The following COL21A1 variants were observed in gnomAD, a reference collection of about 807,000 sequenced individuals.
COL21A1 encodes the protein collagen alpha-1(XXI) chain.
Under a neutral mutation model 137.9 loss-of-function variants are expected in COL21A1, and 149 were observed. The ratio of observed to expected loss-of-function variants is 1.08; its 90% CI spans 0.95 to 1.24. The LOEUF (loss-of-function observed/expected upper bound fraction) is 1.24. COL21A1 is among the 50% of genes most tolerant of loss of function. The probability of loss-of-function intolerance (pLI) is 0.00; values close to 1 mark genes in which losing one functional copy is unlikely to be tolerated. For synonymous variants in COL21A1, 456 were observed against 391.5 expected (o/e 1.16, Z -1.95); for missense variants, 1,167 against 1,158.4 (o/e 1.01, Z -0.11).
intron 1 of COL21A1, among the ~76,000 whole-genome samples, chr6:56,295,200 G>A (rs936707542): frequency 6.6e-6 from 1 of 151,852 alleles, no homozygotes; most frequent in African/African-American, 2.4e-5. Context: ...TTGTTGAAAA[G>A]ATTGGGTTTT....
At chr6:56,297,066 G>C (rs1764178967) in intron 1 of COL21A1, among the ~76,000 whole-genome samples, 1 of 151,912 alleles carries the variant, frequency 6.6e-6, no homozygotes, top group Non-Finnish European at 1.5e-5. Context: ...ATAGTCTTCT[G>C]CTTTATTAAA....
chr6:56,195,464 A>G (rs923255803), intron 1 of COL21A1, among the ~76,000 whole-genome samples: 1 of 151,944 alleles, frequency 6.6e-6, no homozygotes, highest in African/African-American at 2.4e-5. Flanking sequence ...AGAGGGGCAG[A>G]ATTGTGAGTA....
intron 1 of COL21A1, among the ~76,000 whole-genome samples, chr6:56,195,293 G>A (rs1396409013): frequency 6.6e-6 from 1 of 152,126 alleles, no homozygotes; most frequent in South Asian, 2.1e-4. Flanking sequence ...ACCATACTTT[G>A]TGTATTTAGG....
intron 1 of COL21A1, among the ~76,000 whole-genome samples, chr6:56,199,710 T>C (rs1455833059): frequency 6.6e-6 from 1 of 152,176 alleles, no homozygotes; most frequent in Non-Finnish European, 1.5e-5. Context: ...GTCATATGGT[T>C]TGCCTCCTGC....
intron 1 of COL21A1, among the ~76,000 whole-genome samples, chr6:56,391,359 A>C (rs1455959208): frequency 6.6e-6 from 1 of 152,144 alleles, no homozygotes; most frequent in Non-Finnish European, 1.5e-5. Context: ...GAAAAACTTC[A>C]AACAAATAAC....
intron 17 of COL21A1, among the ~76,000 whole-genome samples, chr6:56,087,047 C>A (rs542235575): frequency 9.3e-5 from 14 of 150,322 alleles, no homozygotes; most frequent in Admixed American, 2.7e-4. Context: ...ATCTTGGGAC[C>A]CTTGTCCCTT....
intron 29 of COL21A1, 90 bp downstream of exon 29, chr6:56,059,075 C>T (rs901462905): frequency 1.1e-6 from 1 of 947,778 alleles, no homozygotes; most frequent in Non-Finnish European, 1.7e-6. Context: ...AAACAGATGT[C>T]TCAGTTTCAA....
intron 1 of COL21A1, among the ~76,000 whole-genome samples, chr6:56,214,095 A>G (rs2152308117): frequency 6.6e-6 from 1 of 152,256 alleles, no homozygotes; most frequent in East Asian, 1.9e-4. Flanking sequence ...TATTTGTATA[A>G]TTGGAAACCT....
chr6:56,058,741 A>G (rs906930080), intron 29 of COL21A1, among the ~76,000 whole-genome samples: 2 of 152,210 alleles, frequency 1.3e-5, no homozygotes, highest in Non-Finnish European at 1.5e-5. Flanking sequence ...CAATAACGTC[A>G]TGATGGAGAT....
rs566026269 is a variant in COL21A1 at position 56,080,902 on chromosome 6, A to G, written c.1813-3329T>C. Among the ~76,000 whole-genome samples, 25 of 151,972 alleles carry G rather than the reference A, an allele frequency of 1.6e-4. No individual in the cohort carries two copies. In the South Asian group the frequency reaches 4.8e-3, roughly 29 times the overall value. ...TCCAATCTGATTATCAGTAAAGAGC[A>G]TAGTAGAAGCCATAGGAAGCAGCTA... On this transcript the variant is annotated intron_variant, in intron 17 of 29. Transcript: ENST00000244728.
chr6:56,145,484 G>T (rs2152242140), intron 10 of COL21A1, among the ~76,000 whole-genome samples: 1 of 152,046 alleles, frequency 6.6e-6, no homozygotes, highest in Middle Eastern at 3.4e-3. Flanking sequence ...ACAAATTTTG[G>T]ACTAAAAACC....
In COL21A1 at chr6:56,166,933, C is replaced by T. The variant is rs191663811; in HGVS notation, c.1251G>A (p.Arg417=). Residue 417 remains arginine, a synonymous_variant, in exon 7 of 30, where the codon CGG becomes CGA. Transcript: ENST00000244728. ...ATCCAGGAATCTCACATGCTGTCTC[C>T]CGGTTGTTCTGTTCTGGGTCACAGT... ...RIYCDPEQNN[R]ETACEIPGFN... is the part of the protein sequence containing the mutation. The T allele has an allele frequency of 1.8e-5, 29 of 1,612,714 alleles. No individual in the cohort carries two copies. The Admixed American group carries it at 4.2e-4, about 23-fold the overall frequency.
chr6:56,141,054 G>A (rs1774370286), intron 12 of COL21A1, among the ~76,000 whole-genome samples: 2 of 152,070 alleles, frequency 1.3e-5, no homozygotes, highest in African/African-American at 4.8e-5. Context: ...ATTTTAAGAT[G>A]TACAAATGAA....
rs1177053295 is a variant in COL21A1, at chr6:56,340,986, C to T, written c.-39+52985G>A. 3.3e-5 allele frequency among the ~76,000 whole-genome samples: 5 copies of T among 152,252 alleles called. No homozygotes were observed. In the South Asian group the frequency reaches 1.0e-3, roughly 32 times the overall value. Reference sequence around the variant, plus strand: ...TGCCTACAGTACTAGGGGCTCTAGGCACTTTCATGGGTGTGTGAAACATAC... The same window carrying T: ...TGCCTACAGTACTAGGGGCTCTAGGTACTTTCATGGGTGTGTGAAACATAC... On this transcript the variant is annotated intron_variant, in intron 1 of 28. Transcript: ENST00000370819.
intron 1 of COL21A1, among the ~76,000 whole-genome samples, chr6:56,360,823 G>A (rs537838459): frequency 6.6e-6 from 1 of 152,252 alleles, no homozygotes; most frequent in East Asian, 1.9e-4. Context: ...AAATAGGCTG[G>A]GCGCAGTGGC....
chr6:56,314,274 C>T (rs7749256), intron 1 of COL21A1, among the ~76,000 whole-genome samples: 38,281 of 151,998 alleles, frequency 0.25, 5,700 homozygotes, highest in African/African-American at 0.42. Context: ...TGAGCCACCG[C>T]ACCTGGCCAG....
chr6:56,280,866 C>T (rs534938714), intron 1 of COL21A1, among the ~76,000 whole-genome samples: 24 of 152,098 alleles, frequency 1.6e-4, no homozygotes, highest in African/African-American at 5.8e-4. Flanking sequence ...AACACACACA[C>T]GCAAAATAGC....
chr6:56,318,381 T>C (rs1374399395), intron 1 of COL21A1, among the ~76,000 whole-genome samples: 1 of 152,068 alleles, frequency 6.6e-6, no homozygotes, highest in Non-Finnish European at 1.5e-5. Flanking sequence ...TACCTAGAAG[T>C]CCAATTGGAC....
chr6:56,304,175 A>T (rs1390475911), intron 1 of COL21A1, among the ~76,000 whole-genome samples: 2 of 151,988 alleles, frequency 1.3e-5, no homozygotes, highest in Non-Finnish European at 2.9e-5. Flanking sequence ...TTCATCAGGG[A>T]TATTGGTCTA....
Sources: gnomAD v4.1 joint callset for allele counts (sites outside exome capture counted in the v4.1 genomes callset) on GRCh38, gnomAD v4.1.1 for gene constraint, MANE v1.5 for transcripts, NCBI Gene and HGNC (gene_info 2026-07-23, HGNC 2026-07-21) for gene names.